Variants in MAD1L1 observed in about 807,000 individuals in gnomAD.
The protein encoded by MAD1L1 is mitotic arrest deficient 1 like 1.
Under a neutral mutation model 96.9 loss-of-function variants are expected in MAD1L1, and 95 were observed. The observed-to-expected ratio is 0.98, with a 90% CI of 0.83 to 1.16. The LOEUF (loss-of-function observed/expected upper bound fraction) is 1.16. MAD1L1 is among the 50% of genes most tolerant of loss of function. The probability of loss-of-function intolerance (pLI) is 0.00; values close to 1 mark genes in which losing one functional copy is unlikely to be tolerated. For missense variants in MAD1L1, 1,007 were observed against 954.4 expected (o/e 1.06, Z -0.73); for synonymous variants, 473 against 396.6 (o/e 1.19, Z -2.29).
At chr7:2,230,212 G>A in intron 2 of MAD1L1, 69 bp from the exon 3 acceptor site, 1 of 1,330,558 alleles carries the variant, frequency 7.5e-7, no homozygotes. Flanking sequence ...GCAGTCAGCA[G>A]AGCCTCTGGA....
In MAD1L1 at chr7:1,872,262, G is replaced by A. The variant is rs190837018; in HGVS notation, c.1998+25938C>T. ...ACTCAAACACTCTATAGAGAGGATC[G>A]GGGCCACACTGGGGCTGCCGCACCG... is the stretch of plus-strand genomic sequence containing the variant. On this transcript the variant is annotated intron_variant, in intron 18 of 18. Transcript: ENST00000265854. Among the ~76,000 whole-genome samples, 20 of 152,272 alleles carry A rather than the reference G, an allele frequency of 1.3e-4. No individual in the cohort carries two copies. The East Asian group carries it at 2.5e-3, about 19-fold the overall frequency.
chr7:2,022,267 G>A (rs1049456912), intron 12 of MAD1L1, among the ~76,000 whole-genome samples: 4 of 152,236 alleles, frequency 2.6e-5, no homozygotes, highest in African/African-American at 4.8e-5. Flanking sequence ...TGCGGGAGGC[G>A]CCCACCCTGC....
intron 12 of MAD1L1, among the ~76,000 whole-genome samples, chr7:2,032,949 G>T (rs1783296686): frequency 6.6e-6 from 1 of 152,262 alleles, no homozygotes; most frequent in Non-Finnish European, 1.5e-5. Flanking sequence ...CCCCGCAGAA[G>T]GACGTGGAGA....
At chr7:2,098,071 C>T (rs2128549232) in intron 11 of MAD1L1, among the ~76,000 whole-genome samples, 1 of 152,326 alleles carries the variant, frequency 6.6e-6, no homozygotes, top group African/African-American at 2.4e-5. Flanking sequence ...CGGCTCCATG[C>T]CACACAGCTC....
intron 10 of MAD1L1, among the ~76,000 whole-genome samples, chr7:2,179,052 G>C (rs1475413280): frequency 6.6e-6 from 1 of 152,124 alleles, no homozygotes; most frequent in Non-Finnish European, 1.5e-5. Context: ...CACCATAAAA[G>C]CAACAGAAGA....
At chr7:2,153,536 AAAAACACACAG>A (rs1290027354) in intron 10 of MAD1L1, among the ~76,000 whole-genome samples, 1 of 152,220 alleles carries the variant, frequency 6.6e-6, no homozygotes, top group Non-Finnish European at 1.5e-5. Flanking sequence ...AAACAGACCA[AAAAACACACAG>A]ACAGATGCTG....
chr7:2,224,664 C>A (rs1420751398), intron 4 of MAD1L1, among the ~76,000 whole-genome samples: 1 of 152,214 alleles, frequency 6.6e-6, no homozygotes, highest in Non-Finnish European at 1.5e-5. Flanking sequence ...GGGAGACTTT[C>A]CGCCCAATAC....
At chr7:1,938,502 G>A (rs1272727635) in intron 16 of MAD1L1, among the ~76,000 whole-genome samples, 1 of 152,182 alleles carries the variant, frequency 6.6e-6, no homozygotes, top group Admixed American at 6.5e-5. Context: ...AGGAGGTGCT[G>A]TTTGAAAATC....
chr7:1,901,366 C>G (rs1008861415), intron 17 of MAD1L1, among the ~76,000 whole-genome samples: 2 of 152,214 alleles, frequency 1.3e-5, no homozygotes, highest in Non-Finnish European at 2.9e-5. Context: ...CGGGGTTCCT[C>G]TGGACTGGGT....
intron 16 of MAD1L1, among the ~76,000 whole-genome samples, chr7:1,939,622 C>T (rs924501301): frequency 3.3e-4 from 50 of 152,236 alleles, no homozygotes; most frequent in Non-Finnish European, 6.3e-4. Flanking sequence ...GCAATGAGTT[C>T]CTGCCACCCT....
At chr7:1,840,965 G>T (rs1429981888) in intron 18 of MAD1L1, among the ~76,000 whole-genome samples, 1 of 152,228 alleles carries the variant, frequency 6.6e-6, no homozygotes, top group Non-Finnish European at 1.5e-5. Flanking sequence ...GGGCCAGGTG[G>T]TCCCCGTGCG....
chr7:2,171,357 G>A (rs1790695639), intron 10 of MAD1L1, among the ~76,000 whole-genome samples: 2 of 152,226 alleles, frequency 1.3e-5, no homozygotes, highest in African/African-American at 2.4e-5. Context: ...CTGTGGTGCT[G>A]GAGCCACAGC....
Position 1,898,275 on chromosome 7 carries a change from G to A in MAD1L1, c.1923C>T (p.Ile641=), listed in dbSNP as rs1052568614. ...GGTACTGGTTCTCCGTGGTGATGTC[G>A]ATCTGGTAGCCGGTGAGCGTGTAGC... The part of the protein sequence containing the change: ...KACYTLTGYQ[I]DITTENQYRL... The change falls in exon 18 of 19, where the codon ATC becomes ATT. Residue 641 remains isoleucine (I), a synonymous_variant. Transcript: ENST00000265854. The A allele has an allele frequency of 2.5e-6, 4 of 1,614,052 alleles. No homozygotes were observed. Among genetic ancestry groups the A allele is most frequent in the African/African-American group, 1.3e-5 (1 of 74,940 alleles).
At chr7:1,946,282 C>T (rs1014919353) in intron 16 of MAD1L1, among the ~76,000 whole-genome samples, 2 of 152,152 alleles carry the variant, frequency 1.3e-5, no homozygotes, top group Non-Finnish European at 2.9e-5. Context: ...CCAGTGCTGC[C>T]CCGGCCCCGT....
intron 10 of MAD1L1, among the ~76,000 whole-genome samples, chr7:2,191,739 T>TA (rs972261122): frequency 1.2e-4 from 17 of 147,002 alleles, no homozygotes; most frequent in South Asian, 4.3e-4. Flanking sequence ...TCAAAAAAAT[T>TA]AAAAAAAATT....
At chr7:2,221,060 G>C (rs770614470) in intron 5 of MAD1L1, 38 of 1,601,228 alleles carry the variant, frequency 2.4e-5, no homozygotes, top group Middle Eastern at 3.3e-4. Context: ...TAGTGCGCAG[G>C]GAGGGCTTCC....
intron 10 of MAD1L1, among the ~76,000 whole-genome samples, chr7:2,157,591 C>T (rs561635534): frequency 2.0e-5 from 3 of 152,108 alleles, no homozygotes; most frequent in East Asian, 3.9e-4. Context: ...AGACACCTCC[C>T]GAGAAGCCCT....
intron 17 of MAD1L1, among the ~76,000 whole-genome samples, chr7:1,919,122 TCAC>T (rs1788613918): frequency 1.3e-5 from 2 of 152,216 alleles, no homozygotes; most frequent in Non-Finnish European, 2.9e-5. Flanking sequence ...CCTGTCACGC[TCAC>T]CCTTGGTGCG....
chr7:2,144,265 C>T (rs973133331), intron 11 of MAD1L1, among the ~76,000 whole-genome samples: 5 of 152,206 alleles, frequency 3.3e-5, no homozygotes, highest in South Asian at 2.1e-4. Context: ...TGAAGCACAG[C>T]GCAGCGCATG....
Sources: allele counts gnomAD v4.1 joint callset (sites outside exome capture counted in the v4.1 genomes callset), GRCh38; gene constraint gnomAD v4.1.1; transcripts MANE v1.5; gene names NCBI Gene and HGNC (gene_info 2026-07-23, HGNC 2026-07-21).